PCDH15: variants seen among roughly 807,000 people sequenced by gnomAD.
PCDH15 encodes protocadherin related 15.
In PCDH15, 129 loss-of-function variants were observed where a neutral mutation model predicts 178.5. That is an observed-to-expected ratio of 0.72 (90% confidence interval 0.63 to 0.84). PCDH15 has a LOEUF of 0.84. Among genes scored for constraint, PCDH15 ranks in the 40% least tolerant of loss-of-function variants. The probability of loss-of-function intolerance (pLI) is 0.00; values close to 1 mark genes in which losing one functional copy is unlikely to be tolerated. For missense variants in PCDH15, 2,230 were observed against 2,099.9 expected, an observed-to-expected ratio of 1.06 and a Z score of -1.21; for synonymous variants, 800 against 732.0, an observed-to-expected ratio of 1.09 and a Z score of -1.50.
intron 2 of PCDH15, among the ~76,000 whole-genome samples, chr10:55,480,005 A>G (rs1265467005): frequency 1.4e-5 from 2 of 140,896 alleles, no homozygotes; most frequent in Non-Finnish European, 3.1e-5. Flanking sequence ...TTCCATATGA[A>G]TTTTTTAATA....
At chr10:55,441,823 G>A (rs1194595188) in intron 2 of PCDH15, among the ~76,000 whole-genome samples, 4 of 152,162 alleles carry the variant, frequency 2.6e-5, no homozygotes, top group African/African-American at 9.7e-5. Context: ...TTGAGATTCA[G>A]AGATTACTGT....
chr10:55,079,512 C>T (rs180687198), intron 2 of PCDH15, among the ~76,000 whole-genome samples: 1 of 152,212 alleles, frequency 6.6e-6, no homozygotes, highest in East Asian at 1.9e-4. Context: ...TCATGCCTGC[C>T]CTTGAACCCC....
At chr10:54,781,030 G>A (rs777358262) in intron 1 of PCDH15, among the ~76,000 whole-genome samples, 14 of 152,100 alleles carry the variant, frequency 9.2e-5, no homozygotes, top group Admixed American at 2.0e-4. Context: ...GTTTATCTTG[G>A]ATTCTATTTT....
At position 55,544,756 on chromosome 10, in the gene PCDH15, A is replaced by T. The variant is rs142036562; in HGVS notation, c.-156+82869T>A. ...CTGGTGTATTTTTTGTCATCAATACACAGGCATGTGTGTGCACATATGCAG... is the reference window on the plus strand; with the variant it reads ...CTGGTGTATTTTTTGTCATCAATACTCAGGCATGTGTGTGCACATATGCAG... On this transcript the variant is annotated intron_variant, in intron 2 of 5. Coordinates refer to the PCDH15 transcript ENST00000613346. Among the ~76,000 whole-genome samples the T allele has an allele frequency of 2.6e-4, 40 of 152,282 alleles. No homozygotes were observed. The East Asian group carries it at 6.6e-3, about 25-fold the overall frequency.
At chr10:54,418,094 G>A (rs1262727111) in intron 3 of PCDH15, among the ~76,000 whole-genome samples, 1 of 152,078 alleles carries the variant, frequency 6.6e-6, no homozygotes, top group Non-Finnish European at 1.5e-5. Context: ...ACTGTGCCCA[G>A]CCACAGTCAG....
intron 2 of PCDH15, among the ~76,000 whole-genome samples, chr10:55,087,385 A>C (rs188522600): frequency 2.6e-5 from 4 of 152,334 alleles, no homozygotes; most frequent in African/African-American, 9.6e-5. Context: ...CATACTAATA[A>C]GGAAACATAA....
intron 26 of PCDH15, among the ~76,000 whole-genome samples, chr10:53,885,724 C>T (rs943655333): frequency 2.6e-5 from 4 of 151,958 alleles, no homozygotes; most frequent in African/African-American, 9.7e-5. Flanking sequence ...TATAAGAGAA[C>T]CAACTATCTC....
chr10:54,315,932 T>TG (rs749715827), intron 8 of PCDH15, among the ~76,000 whole-genome samples: 2 of 149,216 alleles, frequency 1.3e-5, no homozygotes, highest in African/African-American at 5.1e-5. Context: ...AGTTTGTGTG[T>TG]TTTTTTTGTT....
chr10:54,236,137 G>T (rs7897570), intron 9 of PCDH15, among the ~76,000 whole-genome samples: 3 of 151,902 alleles, frequency 2.0e-5, no homozygotes, highest in African/African-American at 7.3e-5. Context: ...TCCCTTAAAA[G>T]ATATATAGCC....
At chr10:54,926,223 A>G (rs1002089327) in intron 2 of PCDH15, among the ~76,000 whole-genome samples, 1 of 152,066 alleles carries the variant, frequency 6.6e-6, no homozygotes, top group African/African-American at 2.4e-5. Flanking sequence ...TTTTTTCATT[A>G]GTTATTTTTA....
chr10:55,482,423 C>G (rs1428151962), intron 2 of PCDH15, among the ~76,000 whole-genome samples: 1 of 151,756 alleles, frequency 6.6e-6, no homozygotes, highest in Non-Finnish European at 1.5e-5. Flanking sequence ...TCACTGATCT[C>G]TAAACTTCAG....
At chr10:55,607,201 C>G (rs909426001) in intron 2 of PCDH15, among the ~76,000 whole-genome samples, 2 of 151,080 alleles carry the variant, frequency 1.3e-5, no homozygotes, top group African/African-American at 4.8e-5. Context: ...CAATGAGATA[C>G]CATCTCACAC....
intron 8 of PCDH15, among the ~76,000 whole-genome samples, chr10:54,239,104 G>C (rs183948469): frequency 6.6e-6 from 1 of 151,930 alleles, no homozygotes; most frequent in African/African-American, 2.4e-5. Context: ...TTGAATCTTA[G>C]CTTTTCGTTT....
At chr10:54,560,015 A>G (rs1053963654) in intron 2 of PCDH15, among the ~76,000 whole-genome samples, 2 of 152,000 alleles carry the variant, frequency 1.3e-5, no homozygotes, top group Non-Finnish European at 2.9e-5. Flanking sequence ...AAAGAGATCA[A>G]TTTATGTAAC....
chr10:54,138,200 T>G (rs1286732583), intron 14 of PCDH15, among the ~76,000 whole-genome samples: 4 of 152,074 alleles, frequency 2.6e-5, no homozygotes, highest in South Asian at 4.1e-4. Context: ...GGACACTTTT[T>G]GGGGGTTTCA....
At chr10:55,300,042 A>C (rs1267187312) in intron 1 of PCDH15, among the ~76,000 whole-genome samples, 1 of 152,198 alleles carries the variant, frequency 6.6e-6, no homozygotes, top group South Asian at 2.1e-4. Context: ...ATATATAGTT[A>C]GCAAATTTGA....
At chr10:54,577,749 A>G (rs915055548) in intron 2 of PCDH15, among the ~76,000 whole-genome samples, 4 of 152,002 alleles carry the variant, frequency 2.6e-5, no homozygotes, top group Non-Finnish European at 5.9e-5. Flanking sequence ...CCCTTTATAA[A>G]ACCATCTCCT....
chr10:54,417,880 T>C (rs1774647), intron 3 of PCDH15, among the ~76,000 whole-genome samples: 31,290 of 152,148 alleles, frequency 0.21, 4,002 homozygotes, highest in African/African-American at 0.36. Flanking sequence ...GTGGTTATGG[T>C]TCACAGGTAC....
At chr10:54,358,578 T>C (rs1345505245) in intron 5 of PCDH15, among the ~76,000 whole-genome samples, 3 of 151,570 alleles carry the variant, frequency 2.0e-5, no homozygotes, top group Non-Finnish European at 3.0e-5. Flanking sequence ...GTAAACTAGT[T>C]CAACCATTGT....
Sources: gnomAD v4.1 joint callset for allele counts (sites outside exome capture counted in the v4.1 genomes callset) on GRCh38, gnomAD v4.1.1 for gene constraint, MANE v1.5 for transcripts, NCBI Gene and HGNC (gene_info 2026-07-23, HGNC 2026-07-21) for gene names.